Variants in ANO1 observed in about 807,000 individuals in gnomAD.
ANO1 encodes anoctamin 1.
ANO1 carries 59 observed loss-of-function variants against 124.0 expected under a neutral mutation model. That is an observed-to-expected ratio of 0.48 (90% CI 0.39 to 0.59). The LOEUF (loss-of-function observed/expected upper bound fraction) is 0.59, where lower values mean the gene tolerates loss of function less well. Among genes scored for constraint, ANO1 ranks in the 20% least tolerant of loss-of-function variants. The pLI, the probability that ANO1 is intolerant of heterozygous loss-of-function variation, is 0.00. For synonymous variants in ANO1, 529 were observed against 532.0 expected (o/e 0.99, Z 0.08); for missense variants, 1,059 against 1,328.0 (o/e 0.80, Z 3.15).
chr11:70,153,544 G>A (rs2047683797), intron 14 of ANO1, among the ~76,000 whole-genome samples: 1 of 152,204 alleles, frequency 6.6e-6, no homozygotes. Flanking sequence ...TGAAACAGAA[G>A]CCTTTGCCAA....
At chr11:70,149,531 A>G in intron 11 of ANO1, 179 bp from the exon 12 acceptor site, 1 of 593,026 alleles carries the variant, frequency 1.7e-6, no homozygotes, top group Non-Finnish European at 2.9e-6. Context: ...CATGCCTGTA[A>G]TCCCAGCTAC....
chr11:70,047,119 G>C (rs2135071433), intron 1 of ANO1, among the ~76,000 whole-genome samples: 1 of 150,848 alleles, frequency 6.6e-6, no homozygotes, highest in Non-Finnish European at 1.5e-5. Context: ...AAAGAAAAAG[G>C]ACATTAAGTA....
chr11:69,967,834 T>C, the ANO1 span, among the ~76,000 whole-genome samples: 1 of 152,204 alleles, frequency 6.6e-6, no homozygotes, highest in Admixed American at 6.5e-5. Context: ...TTCAGAGTCC[T>C]AGCCCGAGGC....
intron 1 of ANO1, chr11:70,015,086 C>T (rs883975): frequency 0.24 from 35,892 of 151,766 alleles, 4,390 homozygotes; most frequent in Admixed American, 0.27. Flanking sequence ...GCCCAGGGCT[C>T]GGCAGGCCAC....
chr11:70,149,925 C>T, intron 12 of ANO1, 133 bp downstream of exon 12: 2 of 911,750 alleles, frequency 2.2e-6, no homozygotes, highest in Non-Finnish European at 3.5e-6. Context: ...GGCCGCCCCC[C>T]ATCCCCCACC....
chr11:70,166,896 A>C (rs751812132), intron 20 of ANO1, among the ~76,000 whole-genome samples: 1 of 152,200 alleles, frequency 6.6e-6, no homozygotes, highest in Non-Finnish European at 1.5e-5. Context: ...CTATAATCCT[A>C]GTACTTTGGG....
upstream of ANO1, among the ~76,000 whole-genome samples, chr11:70,077,559 G>T (rs1385247194): frequency 6.6e-6 from 1 of 152,148 alleles, no homozygotes; most frequent in Non-Finnish European, 1.5e-5. Flanking sequence ...GGGGGTAAGA[G>T]AGATCAAAGC....
chr11:69,987,957 C>G (rs1554997069), intron 1 of ANO1, among the ~76,000 whole-genome samples: 1 of 152,184 alleles, frequency 6.6e-6, no homozygotes, highest in Non-Finnish European at 1.5e-5. Context: ...CCCGCTGCAC[C>G]TCGGCTGTGT....
At chr11:70,101,016 G>A (rs543087094) in intron 2 of ANO1, among the ~76,000 whole-genome samples, 7 of 152,212 alleles carry the variant, frequency 4.6e-5, no homozygotes, top group Non-Finnish European at 7.4e-5. Flanking sequence ...CAGCATAAGC[G>A]ACCACGGTGG....
intron 20 of ANO1, among the ~76,000 whole-genome samples, chr11:70,165,891 G>A (rs2048237320): frequency 6.6e-6 from 1 of 152,188 alleles, no homozygotes; most frequent in African/African-American, 2.4e-5. Flanking sequence ...GTGCTGGTGC[G>A]TGCCTGTAGT....
At chr11:70,129,176 G>T (rs2046644213) in intron 10 of ANO1, 1 of 152,262 alleles carries the variant, frequency 6.6e-6, no homozygotes, top group African/African-American at 2.4e-5. Flanking sequence ...ACCCCGAAAG[G>T]CCGGCTCCTG....
intron 10 of ANO1, among the ~76,000 whole-genome samples, chr11:70,127,358 T>C (rs545162742): frequency 4.9e-4 from 75 of 152,248 alleles, no homozygotes; most frequent in Non-Finnish European, 7.9e-4. Flanking sequence ...CTGCAGGAAC[T>C]GTTCCATAAG....
chr11:69,986,391 C>T (rs1413603418), intron 1 of ANO1, among the ~76,000 whole-genome samples: 1 of 121,350 alleles, frequency 8.2e-6, no homozygotes, highest in African/African-American at 2.6e-5. Context: ...GGGGCACTGA[C>T]AGACAAACAG....
intron 1 of ANO1, among the ~76,000 whole-genome samples, chr11:70,052,542 T>C (rs1415316070): frequency 3.6e-4 from 24 of 66,212 alleles, no homozygotes; most frequent in African/African-American, 1.4e-3. Flanking sequence ...TTTTTTTTTT[T>C]TTTTTTTTTT....
At chr11:70,025,890 GTGA>G (rs145742095) in intron 1 of ANO1, among the ~76,000 whole-genome samples, 44,590 of 130,004 alleles carry the variant, frequency 0.34, 9,006 homozygotes, top group Admixed American at 0.4. Flanking sequence ...GGTGATGATG[GTGA>G]TGATGATGAT....
At chr11:70,059,206 C>G (rs1368867325) in intron 1 of ANO1, among the ~76,000 whole-genome samples, 1 of 151,346 alleles carries the variant, frequency 6.6e-6, no homozygotes, top group Non-Finnish European at 1.5e-5. Context: ...AAAAAACTAG[C>G]CAGGTGTGGT....
Position 69,996,084 on chromosome 11 carries a change from C to T in ANO1, c.58+9918C>T, listed in dbSNP as rs182928759. Among the ~76,000 whole-genome samples the T allele has an allele frequency of 1.2e-4, 18 of 152,276 alleles. No individual in the cohort carries two copies. The East Asian group carries it at 3.1e-3, about 26-fold the overall frequency. Reference sequence around the variant, plus strand: ...CGATATTGCATCATTGCACTCCACCCTGGGCGACAGCAAGACTTTGTCTCA... The same window carrying T: ...CGATATTGCATCATTGCACTCCACCTTGGGCGACAGCAAGACTTTGTCTCA... On this transcript the variant is annotated intron_variant, in intron 1 of 27. Coordinates refer to the ANO1 transcript ENST00000531349.
intron 11 of ANO1, among the ~76,000 whole-genome samples, chr11:70,143,068 G>A (rs1237282202): frequency 6.6e-6 from 1 of 152,220 alleles, no homozygotes; most frequent in Non-Finnish European, 1.5e-5. Flanking sequence ...CACATGCACA[G>A]TCCAAGCAGG....
chr11:70,168,463 T>C (rs947767223), intron 21 of ANO1, among the ~76,000 whole-genome samples: 1 of 150,694 alleles, frequency 6.6e-6, no homozygotes, highest in Non-Finnish European at 1.5e-5. Context: ...GCAGACAGCC[T>C]CACCCCGTCA....
Sources: gnomAD v4.1 joint callset for allele counts (sites outside exome capture counted in the v4.1 genomes callset) on GRCh38, gnomAD v4.1.1 for gene constraint, MANE v1.5 for transcripts, NCBI Gene and HGNC (gene_info 2026-07-23, HGNC 2026-07-21) for gene names.